The following ARHGAP19 variants were observed in gnomAD, a reference collection of about 807,000 sequenced individuals.
ARHGAP19 encodes the protein rho GTPase-activating protein 19.
A neutral mutation model predicts 60.9 loss-of-function variants in ARHGAP19; 48 were observed. The observed-to-expected ratio is 0.79, with a 90% CI of 0.62 to 1.00. The LOEUF is 1.00. Ranked by LOEUF, ARHGAP19 falls within the 50% of genes least tolerant of loss-of-function variation. The probability of loss-of-function intolerance (pLI) is 0.00; values close to 1 mark genes in which losing one functional copy is unlikely to be tolerated. For synonymous variants in ARHGAP19, 209 were observed against 215.5 expected, an observed-to-expected ratio of 0.97 and a Z score of 0.27; for missense variants, 562 against 597.2, an observed-to-expected ratio of 0.94 and a Z score of 0.61.
chr10:97,241,216 G>A (rs925050431), intron 8 of ARHGAP19, among the ~76,000 whole-genome samples: 24 of 151,850 alleles, frequency 1.6e-4, no homozygotes, highest in Middle Eastern at 3.4e-3. Context: ...CCAGCTACTC[G>A]GGGGAGGCTG....
At position 97,263,561 on chromosome 10, in the gene ARHGAP19, G is replaced by C. The variant is rs141073658; in HGVS notation, c.472C>G (p.Leu158Val). ...AAGTCAATGTCAGTTCCATTATTGA[G>C]AGCATCCCTTAAAATCTGCTGTCGG... ...SVRQQILRDA[L>V]NNGTDIDLES... The change falls in exon 4 of 12, where the codon CTC becomes GTC. Residue 158 changes from leucine (L) to valine (V), a missense_variant. Transcript: ENST00000358531. 3 of 1,614,020 alleles carry C rather than the reference G, an allele frequency of 1.9e-6. No individual in the cohort carries two copies. Among genetic ancestry groups the C allele is most frequent in the Admixed American group, 3.3e-5 (2 of 59,994 alleles).
At position 97,266,159 on chromosome 10, in the gene ARHGAP19, C is replaced by A. The variant is rs766189127; in HGVS notation, c.57-34G>T. The stretch of plus-strand genomic sequence containing the variant: ...CACAGAAGAAAATCTTTCGGGACAT[C>A]ATTTTTGTATGTTTCTTATGCACTA... On this transcript the variant is annotated intron_variant, in intron 1 of 11. Coordinates refer to ENST00000358531, the MANE Select transcript of ARHGAP19 (RefSeq NM_032900.6). The A allele has an allele frequency of 2.5e-6, 4 of 1,608,626 alleles. No individual in the cohort carries two copies. In the East Asian group the frequency reaches 6.7e-5, roughly 27 times the overall value.
rs1041969916 is a variant in ARHGAP19 at position 97,229,372 on chromosome 10, T to C, written c.1396-147A>G. ...TTTATATCTCATTAATCTTAACTGA[T>C]TTACTGCTGGCTTAATGAAGTAGGC... On this transcript the variant is annotated intron_variant, in intron 10 of 11. Transcript: ENST00000358531. The C allele has an allele frequency of 4.2e-6, 3 of 716,856 alleles. No homozygotes were observed. In the African/African-American group the frequency reaches 5.3e-5, roughly 13 times the overall value. 44.4% of individuals were successfully genotyped at this position (716,856 alleles called of 1,614,324 possible).
At chr10:97,271,265 C>A (rs1842956211) in intron 1 of ARHGAP19, among the ~76,000 whole-genome samples, 1 of 152,026 alleles carries the variant, frequency 6.6e-6, no homozygotes, top group Non-Finnish European at 1.5e-5. Context: ...AAAGTTTTCA[C>A]TGTATGCTCT....
chr10:97,239,197 A>G (rs1480471340), intron 8 of ARHGAP19, among the ~76,000 whole-genome samples: 1 of 152,188 alleles, frequency 6.6e-6, no homozygotes, highest in Non-Finnish European at 1.5e-5. Flanking sequence ...ACGTGACTAT[A>G]AAGAAAAAGG....
intron 1 of ARHGAP19, among the ~76,000 whole-genome samples, chr10:97,267,794 C>G (rs1201720075): frequency 6.6e-6 from 1 of 152,238 alleles, no homozygotes; most frequent in East Asian, 1.9e-4. Flanking sequence ...GGCACCAAGT[C>G]CAGGGACTGC....
At chr10:97,242,228 G>A (rs976955084) in intron 8 of ARHGAP19, among the ~76,000 whole-genome samples, 1 of 149,880 alleles carries the variant, frequency 6.7e-6, no homozygotes, top group Admixed American at 6.6e-5. Flanking sequence ...CTGGCAGGAA[G>A]AGTGATTTGC....
At chr10:97,247,530 C>T (rs1842579664) in intron 6 of ARHGAP19, among the ~76,000 whole-genome samples, 1 of 152,132 alleles carries the variant, frequency 6.6e-6, no homozygotes, top group Non-Finnish European at 1.5e-5. Context: ...ATGCAAAACA[C>T]ACTCGTATAA....
intron 10 of ARHGAP19, 33 bp from the exon 11 acceptor site, chr10:97,229,258 G>A: frequency 1.3e-6 from 2 of 1,506,200 alleles, no homozygotes; most frequent in Non-Finnish European, 1.8e-6. Flanking sequence ...TGGTTTCAAT[G>A]TTCTAATGCC....
intron 1 of ARHGAP19, among the ~76,000 whole-genome samples, chr10:97,288,946 C>T (rs913277687): frequency 1.4e-5 from 2 of 146,656 alleles, no homozygotes; most frequent in African/African-American, 5.1e-5. Flanking sequence ...TCCCGAGTAG[C>T]TGGGACTACA....
intron 1 of ARHGAP19, among the ~76,000 whole-genome samples, chr10:97,288,805 TCTCC>T (rs1467432780): frequency 1.9e-4 from 27 of 143,526 alleles, no homozygotes; most frequent in African/African-American, 5.5e-4. Context: ...CCCAAACTTC[TCTCC>T]TTTTTTTTTT....
chr10:97,245,958 C>T (rs954268152), intron 7 of ARHGAP19, among the ~76,000 whole-genome samples: 2 of 151,810 alleles, frequency 1.3e-5, no homozygotes, highest in Non-Finnish European at 2.9e-5. Context: ...GAGACAGGGT[C>T]TCGCTGTGTT....
rs1467825751 is a variant in ARHGAP19, at chr10:97,222,440, G to A, written c.*3682C>T. 2.6e-5 allele frequency: 4 copies of A among 152,228 alleles called. No homozygotes were observed. The highest frequency in any genetic ancestry group is 2.4e-5 in the African/African-American group (1 of 41,450). 9.4% of individuals were successfully genotyped at this position (152,228 alleles called of 1,614,324 possible). A position where few individuals can be genotyped will look rare whatever the true frequency, so the allele number is the denominator to read the frequency against. ...CTGTCCCCAGACATGGCCAGGGGAG[G>A]GCTCCATGGCTCTTTAGCACAGGCT... is the stretch of plus-strand genomic sequence containing the variant. On this transcript the variant is annotated 3_prime_UTR_variant, in exon 12 of 12. Coordinates refer to ENST00000358531, the MANE Select transcript of ARHGAP19 (RefSeq NM_032900.6).
chr10:97,251,187 G>T (rs1842643329), intron 6 of ARHGAP19, among the ~76,000 whole-genome samples: 1 of 90,346 alleles, frequency 1.1e-5, no homozygotes, highest in Non-Finnish European at 2.2e-5. Context: ...GAAAGGGAAA[G>T]GAAGGGAAGG....
chr10:97,277,729 G>C (rs899043830), intron 1 of ARHGAP19: 1 of 152,214 alleles, frequency 6.6e-6, no homozygotes, highest in Non-Finnish European at 1.5e-5. Context: ...ATAGACTGTC[G>C]TGTGGTGAAC....
Position 97,225,789 on chromosome 10 carries a change from T to C in ARHGAP19, c.*333A>G, listed in dbSNP as rs1190758794. On this transcript the variant is annotated 3_prime_UTR_variant, in exon 12 of 12. Coordinates refer to ENST00000358531, the MANE Select transcript of ARHGAP19 (RefSeq NM_032900.6). ...TACTGGCAGTTGAGCACACATTTCA[T>C]ATTTTTTTTCAAAAGTGGAATCTGC... 7.7e-6 allele frequency: 2 copies of C among 259,000 alleles called. No individual in the cohort carries two copies. The highest frequency in any genetic ancestry group is 4.4e-5 in the African/African-American group (2 of 45,120). 16.0% of individuals were successfully genotyped at this position (259,000 alleles called of 1,614,324 possible). A position where few individuals can be genotyped will look rare whatever the true frequency, so the allele number is the denominator to read the frequency against.
intron 8 of ARHGAP19, among the ~76,000 whole-genome samples, chr10:97,240,844 G>C (rs1842467651): frequency 6.6e-6 from 1 of 152,166 alleles, no homozygotes; most frequent in South Asian, 2.1e-4. Flanking sequence ...TATATTCATG[G>C]AGAGAAACAC....
intron 1 of ARHGAP19, among the ~76,000 whole-genome samples, chr10:97,287,700 G>A (rs1006211308): frequency 2.0e-5 from 3 of 152,150 alleles, no homozygotes; most frequent in African/African-American, 7.2e-5. Context: ...CCATCATCAT[G>A]CCACTACACT....
chr10:97,292,253 C>T (rs111828667), intron 1 of ARHGAP19, among the ~76,000 whole-genome samples: 149 of 152,292 alleles, frequency 9.8e-4, no homozygotes, highest in African/African-American at 3.2e-3. Flanking sequence ...GCTAACCAGC[C>T]CTGGACTTCC....
Sources: gnomAD v4.1 joint callset for allele counts (sites outside exome capture counted in the v4.1 genomes callset) on GRCh38, gnomAD v4.1.1 for gene constraint, MANE v1.5 for transcripts, NCBI Gene and HGNC (gene_info 2026-07-23, HGNC 2026-07-21) for gene names.